The following ATP8B4 variants were observed in gnomAD, a reference collection of about 807,000 sequenced individuals.
The protein encoded by ATP8B4 is ATPase phospholipid transporting 8B4 (putative), also known as probable phospholipid-transporting ATPase IM.
A neutral mutation model predicts 145.6 loss-of-function variants in ATP8B4; 133 were observed. The observed-to-expected ratio is 0.91, with a 90% CI of 0.79 to 1.05. ATP8B4 has a LOEUF of 1.05. ATP8B4 is among the 50% of genes least tolerant of loss of function. The pLI is 0.00. For missense variants in ATP8B4, 1,458 were observed against 1,425.2 expected, an observed-to-expected ratio of 1.02 and a Z score of -0.37; for synonymous variants, 507 against 492.9, an observed-to-expected ratio of 1.03 and a Z score of -0.38.
At chr15:50,171,756 A>G (rs997707425) in intron 1 of ATP8B4, among the ~76,000 whole-genome samples, 3 of 152,198 alleles carry the variant, frequency 2.0e-5, no homozygotes, top group Non-Finnish European at 4.4e-5. Flanking sequence ...AAAAATACAA[A>G]GAATACATGA....
At chr15:50,031,773 A>C (rs2050461480) in intron 6 of ATP8B4, among the ~76,000 whole-genome samples, 1 of 151,942 alleles carries the variant, frequency 6.6e-6, no homozygotes, top group Non-Finnish European at 1.5e-5. Context: ...CCATAGGTCT[A>C]CATGCCTCTA....
intron 7 of ATP8B4, among the ~76,000 whole-genome samples, chr15:50,006,892 C>T (rs536441870): frequency 6.6e-5 from 10 of 152,100 alleles, no homozygotes; most frequent in Non-Finnish European, 1.5e-4. Flanking sequence ...CTGGCTCCCA[C>T]GGTCCGAGTT....
At chr15:49,904,598 G>C in intron 20 of ATP8B4, among the ~76,000 whole-genome samples, 1 of 152,170 alleles carries the variant, frequency 6.6e-6, no homozygotes, top group Admixed American at 6.5e-5. Context: ...GGCCTGCACA[G>C]TGTCTTAAAG....
At chr15:49,884,968 C>T (rs1246139665) in intron 23 of ATP8B4, among the ~76,000 whole-genome samples, 2 of 152,218 alleles carry the variant, frequency 1.3e-5, no homozygotes, top group Non-Finnish European at 2.9e-5. Flanking sequence ...TTCCATGAAA[C>T]ATCCCTGGTA....
At chr15:50,144,762 T>C (rs1242702978) in intron 1 of ATP8B4, among the ~76,000 whole-genome samples, 4 of 152,002 alleles carry the variant, frequency 2.6e-5, no homozygotes, top group South Asian at 2.1e-4. Flanking sequence ...TTTTTTTTTT[T>C]ACATCTTTCT....
At chr15:49,983,768 G>T (rs2046358959) in intron 10 of ATP8B4, among the ~76,000 whole-genome samples, 1 of 152,176 alleles carries the variant, frequency 6.6e-6, no homozygotes, top group African/African-American at 2.4e-5. Flanking sequence ...CTACCAGCAT[G>T]GTCTAGCCCC....
chr15:49,928,585 T>C (rs1298312923), intron 16 of ATP8B4, among the ~76,000 whole-genome samples: 1 of 152,054 alleles, frequency 6.6e-6, no homozygotes, highest in African/African-American at 2.4e-5. Flanking sequence ...GCCTATGTTT[T>C]AGAAAGAATA....
In ATP8B4 at chr15:49,972,692, G is replaced by C. The variant is rs375264378; in HGVS notation, c.1133C>G (p.Thr378Arg). The change falls in exon 13 of 28, where the codon ACG (threonine) becomes AGG (arginine). Residue 378 changes from threonine to arginine, a missense_variant. Coordinates refer to ENST00000284509, the MANE Select transcript of ATP8B4 (RefSeq NM_024837.4). ...KAIPAVARTT[T>R]LNEELGQIEY... The stretch of plus-strand genomic sequence containing the variant: ...AATCTGCCCCAGTTCCTCATTGAGC[G>C]TGGTCGTTCGAGCCACTGCAGGTAT... 6.2e-7 allele frequency: 1 copy of C among 1,613,876 alleles called. No individual in the cohort carries two copies. Among genetic ancestry groups the C allele is most frequent in the Non-Finnish European group, 8.5e-7 (1 of 1,179,952 alleles).
At chr15:49,891,624 C>G (rs1474275813) in intron 23 of ATP8B4, among the ~76,000 whole-genome samples, 1 of 152,166 alleles carries the variant, frequency 6.6e-6, no homozygotes, top group African/African-American at 2.4e-5. Context: ...CTGCACCCAA[C>G]TAAATACAAT....
chr15:50,078,620 G>T (rs1489154373), intron 2 of ATP8B4, among the ~76,000 whole-genome samples: 1 of 151,916 alleles, frequency 6.6e-6, no homozygotes, highest in Non-Finnish European at 1.5e-5. Flanking sequence ...GAAGAAAACT[G>T]CCCTGCTCCA....
intron 14 of ATP8B4, among the ~76,000 whole-genome samples, chr15:49,955,157 A>G (rs2043445764): frequency 6.6e-6 from 1 of 152,200 alleles, no homozygotes; most frequent in African/African-American, 2.4e-5. Context: ...AACAATAGCC[A>G]GTGGGAATTA....
chr15:50,163,796 C>A (rs1180303577), intron 1 of ATP8B4, among the ~76,000 whole-genome samples: 1 of 152,216 alleles, frequency 6.6e-6, no homozygotes, highest in Non-Finnish European at 1.5e-5. Context: ...CCTTAGAAAT[C>A]TACTTGGTAC....
chr15:50,073,007 TATATATATATATAC>T (rs1442062516), intron 3 of ATP8B4, among the ~76,000 whole-genome samples: 1,065 of 55,422 alleles, frequency 0.019, 47 homozygotes, highest in Non-Finnish European at 0.024. Context: ...TATATATATA[TATATATATATATAC>T]ACACACACAC....
intron 1 of ATP8B4, among the ~76,000 whole-genome samples, chr15:50,179,896 C>T (rs1236275139): frequency 1.3e-5 from 2 of 152,188 alleles, no homozygotes; most frequent in African/African-American, 4.8e-5. Context: ...CAGACTAAGA[C>T]ATCTATTAAC....
chr15:50,154,687 T>C (rs1370827766), intron 1 of ATP8B4, among the ~76,000 whole-genome samples: 2 of 152,170 alleles, frequency 1.3e-5, no homozygotes, highest in African/African-American at 4.8e-5. Context: ...AGCAATTTTT[T>C]TTTTTGAGAC....
At chr15:50,117,835 C>T (rs1409322189) in intron 1 of ATP8B4, among the ~76,000 whole-genome samples, 1 of 152,154 alleles carries the variant, frequency 6.6e-6, no homozygotes, top group Non-Finnish European at 1.5e-5. Flanking sequence ...AAGAATAAAA[C>T]TCTATCATTT....
chr15:50,116,453 G>A (rs1482626309), intron 1 of ATP8B4, among the ~76,000 whole-genome samples: 6 of 152,144 alleles, frequency 3.9e-5, no homozygotes, highest in Admixed American at 3.9e-4. Context: ...AATGTATTTA[G>A]TTTGAACATG....
chr15:50,095,181 C>T (rs1479067767), intron 2 of ATP8B4, among the ~76,000 whole-genome samples: 2 of 151,978 alleles, frequency 1.3e-5, no homozygotes, highest in East Asian at 1.9e-4. Flanking sequence ...CCTGGTGAAG[C>T]TCATATTATA....
intron 14 of ATP8B4, among the ~76,000 whole-genome samples, chr15:49,943,647 T>C (rs922226327): frequency 1.3e-5 from 2 of 152,172 alleles, no homozygotes; most frequent in African/African-American, 4.8e-5. Flanking sequence ...GAAAGAGAGA[T>C]AAAGACTTTC....
Sources: allele counts gnomAD v4.1 joint callset (sites outside exome capture counted in the v4.1 genomes callset), GRCh38; gene constraint gnomAD v4.1.1; transcripts MANE v1.5; gene names NCBI Gene and HGNC (gene_info 2026-07-23, HGNC 2026-07-21).